SIL1: variants seen among roughly 807,000 people sequenced by gnomAD.
The protein encoded by SIL1 is SIL1 nucleotide exchange factor.
SIL1 carries 40 observed loss-of-function variants against 49.1 expected under a neutral mutation model. The observed-to-expected ratio is 0.81, with a 90% CI of 0.63 to 1.06. The LOEUF (loss-of-function observed/expected upper bound fraction) is 1.06, where lower values mean the gene tolerates loss of function less well. SIL1 is among the 50% of genes least tolerant of loss of function. The pLI is 0.00. For missense variants in SIL1, 500 were observed against 572.6 expected, an observed-to-expected ratio of 0.87 and a Z score of 1.29; for synonymous variants, 253 against 250.8, an observed-to-expected ratio of 1.01 and a Z score of -0.08.
At chr5:139,020,546 C>T (rs767098686) in intron 7 of SIL1, among the ~76,000 whole-genome samples, 1 of 152,192 alleles carries the variant, frequency 6.6e-6, no homozygotes, top group Non-Finnish European at 1.5e-5. Flanking sequence ...CTCCAATGGA[C>T]CAATTGCAGC....
chr5:139,169,880 C>CTCTGCCTCTTTCCACGG (rs1751706198), intron 1 of SIL1, among the ~76,000 whole-genome samples: 1 of 152,056 alleles, frequency 6.6e-6, no homozygotes, highest in Non-Finnish European at 1.5e-5. Context: ...CACGGTCTCC[C>CTCTGCCTCTTTCCACGG]TCTCCCTCTC....
At chr5:139,107,609 C>T (rs1289227202) in intron 3 of SIL1, among the ~76,000 whole-genome samples, 7 of 152,152 alleles carry the variant, frequency 4.6e-5, no homozygotes, top group Non-Finnish European at 7.4e-5. Flanking sequence ...TGTATTTGGT[C>T]GTCAGGTCTC....
chr5:139,063,107 TATC>T (rs757631101), intron 3 of SIL1, among the ~76,000 whole-genome samples: 5 of 152,240 alleles, frequency 3.3e-5, no homozygotes, highest in Non-Finnish European at 7.3e-5. Context: ...GGCAGGCTGT[TATC>T]ATTGTCCTAA....
At chr5:139,149,982 A>C (rs972386106) in intron 1 of SIL1, among the ~76,000 whole-genome samples, 8 of 152,196 alleles carry the variant, frequency 5.3e-5, no homozygotes, top group Non-Finnish European at 1.0e-4. Context: ...GGGAGAAGGA[A>C]GCCTGCTATA....
At chr5:138,997,045 G>A (rs1392430665) in intron 7 of SIL1, among the ~76,000 whole-genome samples, 2 of 152,058 alleles carry the variant, frequency 1.3e-5, no homozygotes, top group Non-Finnish European at 2.9e-5. Context: ...CAATCCTCCT[G>A]CCTCACCTTC....
At chr5:138,953,689 C>G (rs994407234) in intron 7 of SIL1, among the ~76,000 whole-genome samples, 2 of 124,190 alleles carry the variant, frequency 1.6e-5, no homozygotes. Context: ...GCTCCCCTGC[C>G]CCCCACGACT....
intron 1 of SIL1, chr5:139,137,531 A>G (rs910739487): frequency 9.7e-6 from 5 of 513,758 alleles, no homozygotes; most frequent in South Asian, 8.9e-5. Context: ...TTTTTTTTTT[A>G]ATTTTATTAT....
chr5:138,994,085 A>T (rs1309284239), intron 7 of SIL1, among the ~76,000 whole-genome samples: 1 of 152,220 alleles, frequency 6.6e-6, no homozygotes, highest in Non-Finnish European at 1.5e-5. Flanking sequence ...TATTAGAATC[A>T]TTCCCTTTAA....
In SIL1 at chr5:139,072,319, T is replaced by A. The variant is rs1185505221; in HGVS notation, c.245-21273A>T. Among the ~76,000 whole-genome samples the A allele has an allele frequency of 2.0e-5, 3 of 152,188 alleles. No homozygotes were observed. In the South Asian group the frequency reaches 6.2e-4, roughly 32 times the overall value. Reference sequence around the variant, plus strand: ...TAACATACACTATTCAAACACGTACTAACACATCCTGCGAAATAGAGATGA... The same window carrying A: ...TAACATACACTATTCAAACACGTACAAACACATCCTGCGAAATAGAGATGA... On this transcript the variant is annotated intron_variant, in intron 3 of 9. Transcript: ENST00000394817.
rs185914370 is a variant in SIL1 at position 139,150,467 on chromosome 5, C to A, written c.-10-22614G>T. Among the ~76,000 whole-genome samples, 184 of 152,212 alleles carry A rather than the reference C, an allele frequency of 1.2e-3. 1 individual carries two copies. Among genetic ancestry groups the A allele is most frequent in the South Asian group, 3.1e-3 (15 of 4,818 alleles). On this transcript the variant is annotated intron_variant, in intron 1 of 9. Transcript: ENST00000394817. ...TTTATCTACTAAATATGTCCCTCCC[C>A]CTATGCTCCTGTTCTCATGCCCAAA...
intron 3 of SIL1, among the ~76,000 whole-genome samples, chr5:139,096,504 C>G: frequency 6.6e-6 from 1 of 151,862 alleles, no homozygotes; most frequent in Non-Finnish European, 1.5e-5. Flanking sequence ...ATCATCCCTC[C>G]TCTAACCCTA....
chr5:139,058,017 C>T (rs903957358), intron 3 of SIL1, among the ~76,000 whole-genome samples: 5 of 152,132 alleles, frequency 3.3e-5, no homozygotes, highest in African/African-American at 1.2e-4. Flanking sequence ...CAGGGGACAA[C>T]CCAAATGTCC....
At chr5:138,968,516 G>A (rs1017986798) in intron 7 of SIL1, among the ~76,000 whole-genome samples, 2 of 152,088 alleles carry the variant, frequency 1.3e-5, no homozygotes, top group African/African-American at 2.4e-5. Flanking sequence ...AGTTCCTACT[G>A]CAAGAACCCT....
intron 1 of SIL1, among the ~76,000 whole-genome samples, chr5:139,170,091 G>A (rs920603268): frequency 6.6e-6 from 1 of 152,222 alleles, no homozygotes; most frequent in Non-Finnish European, 1.5e-5. Flanking sequence ...CTGGTCTCCA[G>A]CTCCTAACCG....
In SIL1 at chr5:139,162,716, T is replaced by C. The variant is rs551146220; in HGVS notation, c.-10-34863A>G. 7.6e-4 allele frequency among the ~76,000 whole-genome samples: 115 copies of C among 152,298 alleles called. 1 individual carries two copies. The South Asian group carries it at 0.011, about 15-fold the overall frequency. On this transcript the variant is annotated intron_variant, in intron 1 of 9. Coordinates refer to ENST00000394817, the MANE Select transcript of SIL1 (RefSeq NM_022464.5). ...CAGCTCATTCATTCAACAAATGTTGTTTGATCATCTACTATATGCCAGGTA... is the reference window on the plus strand; with the variant it reads ...CAGCTCATTCATTCAACAAATGTTGCTTGATCATCTACTATATGCCAGGTA...
intron 1 of SIL1, among the ~76,000 whole-genome samples, chr5:139,191,798 C>T (rs920525284): frequency 6.6e-6 from 1 of 151,654 alleles, no homozygotes; most frequent in Admixed American, 6.6e-5. Context: ...TAAAAAGGGC[C>T]AGGCACAGTG....
At chr5:139,063,986 T>C (rs767942181) in intron 3 of SIL1, among the ~76,000 whole-genome samples, 6 of 152,238 alleles carry the variant, frequency 3.9e-5, no homozygotes, top group Non-Finnish European at 8.8e-5. Flanking sequence ...GAAGTCATGA[T>C]TGAATAAAAG....
At chr5:139,043,734 G>C (rs1263786603) in intron 4 of SIL1, among the ~76,000 whole-genome samples, 1 of 152,240 alleles carries the variant, frequency 6.6e-6, no homozygotes, top group Non-Finnish European at 1.5e-5. Flanking sequence ...CTTGACCAGA[G>C]AGAGGACATC....
intron 1 of SIL1, among the ~76,000 whole-genome samples, chr5:139,132,196 T>G (rs1289802454): frequency 6.6e-6 from 1 of 151,792 alleles, no homozygotes; most frequent in African/African-American, 2.4e-5. Flanking sequence ...AGAAGACAAA[T>G]GAGCAGAAGG....
Sources: gnomAD v4.1 joint callset for allele counts (sites outside exome capture counted in the v4.1 genomes callset) on GRCh38, gnomAD v4.1.1 for gene constraint, MANE v1.5 for transcripts, NCBI Gene and HGNC (gene_info 2026-07-23, HGNC 2026-07-21) for gene names.